MYT1L: variants seen among roughly 807,000 people sequenced by gnomAD.
The protein encoded by MYT1L is myelin transcription factor 1-like protein.
A neutral mutation model predicts 126.7 loss-of-function variants in MYT1L; 12 were observed. The ratio of observed to expected loss-of-function variants is 0.09; its 90% CI spans 0.06 to 0.15. The LOEUF (loss-of-function observed/expected upper bound fraction) is 0.15. Among genes scored for constraint, MYT1L ranks in the 10% least tolerant of loss-of-function variants. The pLI is 1.00. For missense variants in MYT1L, 979 were observed against 1,585.2 expected (o/e 0.62, Z 6.49); for synonymous variants, 541 against 604.2 (o/e 0.90, Z 1.53).
chr2:1,826,379 C>T (rs914517444), intron 21 of MYT1L, among the ~76,000 whole-genome samples: 5 of 152,098 alleles, frequency 3.3e-5, no homozygotes, highest in African/African-American at 1.2e-4. Context: ...GGGGGGCGGG[C>T]GAATGTGGGA....
intron 21 of MYT1L, among the ~76,000 whole-genome samples, chr2:1,814,619 C>T (rs2037339834): frequency 6.6e-6 from 1 of 152,212 alleles, no homozygotes; most frequent in South Asian, 2.1e-4. Context: ...TGCCCCCAGC[C>T]TCCACCTCAC....
chr2:2,075,901 C>T (rs1170333105), intron 3 of MYT1L, among the ~76,000 whole-genome samples: 4 of 152,228 alleles, frequency 2.6e-5, no homozygotes, highest in African/African-American at 7.2e-5. Flanking sequence ...CTCTTCATCC[C>T]GGCTAAAAGC....
rs375899201 is a variant in MYT1L, at chr2:2,029,368, T to C, written c.-158+24610A>G. 3.3e-5 allele frequency among the ~76,000 whole-genome samples: 5 copies of C among 152,278 alleles called. No homozygotes were observed. In the East Asian group the frequency reaches 9.6e-4, roughly 29 times the overall value. On this transcript the variant is annotated intron_variant, in intron 4 of 24. Coordinates refer to ENST00000647738, the MANE Select transcript of MYT1L (RefSeq NM_001303052.2). ...CATGGCTGGGGAGGCCTCACAATCATGGCGGAAGATGAAGAAAGAGCAAAG... is the reference window on the plus strand; with the variant it reads ...CATGGCTGGGGAGGCCTCACAATCACGGCGGAAGATGAAGAAAGAGCAAAG...
chr2:2,304,287 G>A (rs943117688), intron 1 of MYT1L, among the ~76,000 whole-genome samples: 25 of 152,182 alleles, frequency 1.6e-4, no homozygotes, highest in African/African-American at 3.4e-4. Flanking sequence ...ATTCATTAGC[G>A]AGTAGCCTGA....
chr2:1,789,926 G>A lies in MYT1L; in HGVS notation c.*1941C>T, dbSNP rs910808126. 1.3e-5 allele frequency: 2 copies of A among 152,228 alleles called. No homozygotes were observed. Among genetic ancestry groups the A allele is most frequent in the African/African-American group, 2.4e-5 (1 of 41,456 alleles). 9.4% of individuals were successfully genotyped at this position (152,228 alleles called of 1,614,324 possible). A position where few individuals can be genotyped will look rare whatever the true frequency, so the allele number is the denominator to read the frequency against. ...GTGGAAAACTGTAAGCTTTTGTACA[G>A]TGAACAGTATAAAGTGCCGCTGGGA... is the stretch of plus-strand genomic sequence containing the variant. On this transcript the variant is annotated 3_prime_UTR_variant, in exon 25 of 25. Transcript: ENST00000647738.
chr2:2,272,357 C>A, intron 2 of MYT1L, among the ~76,000 whole-genome samples: 1 of 152,306 alleles, frequency 6.6e-6, no homozygotes, highest in East Asian at 1.9e-4. Context: ...CCTGGCCTCA[C>A]CCTGCCCCCG....
chr2:2,140,563 T>C (rs1451119441), intron 3 of MYT1L, among the ~76,000 whole-genome samples: 2 of 151,638 alleles, frequency 1.3e-5, no homozygotes, highest in African/African-American at 4.8e-5. Context: ...GCCTCCCAAG[T>C]AGCTGGGACT....
chr2:1,887,697 C>G lies in MYT1L; in HGVS notation c.2521-88G>C. ...GTGGTTCGTGGCTCTGGGGTGGCCT[C>G]TACATCTTACACCTCTTTCTGCTGT... On this transcript the variant is annotated intron_variant, in intron 16 of 24. Transcript: ENST00000647738. This position sits in a 1 kb window ranked among gnomAD's most constrained non-coding sequence, Gnocchi z 4.8. 1 of 1,482,026 alleles carries G rather than the reference C, an allele frequency of 6.7e-7. No individual in the cohort carries two copies. The highest frequency in any genetic ancestry group is 2.3e-5 in the East Asian group (1 of 44,144). The allele number at this position is 1,482,026 out of a possible 1,614,324, so 91.8% of individuals were successfully genotyped here. A position where few individuals can be genotyped will look rare whatever the true frequency, so the allele number is the denominator to read the frequency against.
At chr2:2,209,048 G>A (rs1009194795) in intron 2 of MYT1L, among the ~76,000 whole-genome samples, 3 of 151,832 alleles carry the variant, frequency 2.0e-5, no homozygotes, top group African/African-American at 7.3e-5. Flanking sequence ...CAAAGCCACT[G>A]AAATGACTCA....
At chr2:2,098,603 G>T (rs1407246443) in intron 3 of MYT1L, among the ~76,000 whole-genome samples, 3 of 152,174 alleles carry the variant, frequency 2.0e-5, no homozygotes, top group Non-Finnish European at 2.9e-5. Flanking sequence ...GAGGCCAGGG[G>T]TCCTGCTAAA....
chr2:2,186,808 A>C (rs1465609895), intron 2 of MYT1L, among the ~76,000 whole-genome samples: 1 of 152,230 alleles, frequency 6.6e-6, no homozygotes. Context: ...TAAACTTTGC[A>C]TTATAAATTA....
At chr2:2,262,677 A>G (rs1396726070) in intron 2 of MYT1L, among the ~76,000 whole-genome samples, 1 of 148,186 alleles carries the variant, frequency 6.7e-6, no homozygotes, top group Non-Finnish European at 1.5e-5. Flanking sequence ...TGGGTGACAG[A>G]GCAAGACTCC....
At chr2:2,271,464 T>G (rs2095261985) in intron 2 of MYT1L, among the ~76,000 whole-genome samples, 1 of 152,188 alleles carries the variant, frequency 6.6e-6, no homozygotes, top group African/African-American at 2.4e-5. Context: ...CAGGTCAGTT[T>G]GTCTTTAAAT....
intron 2 of MYT1L, among the ~76,000 whole-genome samples, chr2:2,249,930 T>C (rs1378467534): frequency 6.6e-6 from 1 of 152,176 alleles, no homozygotes; most frequent in African/African-American, 2.4e-5. Context: ...GTGTTCAACA[T>C]TACTGATTAT....
chr2:1,859,281 AC>A (rs2044279070), intron 18 of MYT1L, among the ~76,000 whole-genome samples: 1 of 152,218 alleles, frequency 6.6e-6, no homozygotes, highest in South Asian at 2.1e-4. Context: ...TAACCTGTAA[AC>A]AAAAAACACC....
intron 9 of MYT1L, among the ~76,000 whole-genome samples, chr2:1,942,067 G>A (rs2056714242): frequency 6.6e-6 from 1 of 152,184 alleles, no homozygotes; most frequent in African/African-American, 2.4e-5. Context: ...GCCCAAGGGA[G>A]AGGGGCAAGA....
At chr2:1,821,694 C>A (rs914306995) in intron 21 of MYT1L, among the ~76,000 whole-genome samples, 1 of 152,188 alleles carries the variant, frequency 6.6e-6, no homozygotes, top group Non-Finnish European at 1.5e-5. Flanking sequence ...TGCCTGGAGG[C>A]CCTTTATCTT....
chr2:2,146,369 G>A (rs2084875696), intron 3 of MYT1L, among the ~76,000 whole-genome samples: 1 of 152,156 alleles, frequency 6.6e-6, no homozygotes, highest in Non-Finnish European at 1.5e-5. Flanking sequence ...TGTGGCACAA[G>A]GGCCTGGAGA....
intron 4 of MYT1L, among the ~76,000 whole-genome samples, chr2:2,044,285 C>T (rs771887445): frequency 6.6e-6 from 1 of 152,166 alleles, no homozygotes; most frequent in Non-Finnish European, 1.5e-5. Flanking sequence ...CTTTCTGTCA[C>T]GATACACCAC....
Sources: allele counts gnomAD v4.1 joint callset (sites outside exome capture counted in the v4.1 genomes callset), GRCh38; gene constraint gnomAD v4.1.1; non-coding constraint Gnocchi (gnomAD v3.1); transcripts MANE v1.5; gene names NCBI Gene and HGNC (gene_info 2026-07-23, HGNC 2026-07-21).